DAB1: variants seen among roughly 807,000 people sequenced by gnomAD.
DAB1 encodes the protein DAB adaptor protein 1, also known as disabled homolog 1.
A neutral mutation model predicts 64.6 loss-of-function variants in DAB1; 15 were observed. The ratio of observed to expected loss-of-function variants is 0.23; its 90% confidence interval spans 0.16 to 0.36. The LOEUF (loss-of-function observed/expected upper bound fraction) is 0.36, where lower values mean the gene tolerates loss of function less well. DAB1 is among the 10% of genes least tolerant of loss of function. The probability of loss-of-function intolerance (pLI) is 1.00; values close to 1 mark genes in which losing one functional copy is unlikely to be tolerated. For missense variants in DAB1, 596 were observed against 706.7 expected (o/e 0.84, Z 1.78); for synonymous variants, 235 against 251.9 (o/e 0.93, Z 0.64).
At chr1:58,405,612 A>G (rs1324595321) in intron 3 of DAB1, among the ~76,000 whole-genome samples, 1 of 152,154 alleles carries the variant, frequency 6.6e-6, no homozygotes, top group Non-Finnish European at 1.5e-5. Context: ...CACCTGCCTC[A>G]GCCTCCCAAA....
At chr1:57,691,831 C>T (rs949571247) in intron 6 of DAB1, among the ~76,000 whole-genome samples, 6 of 152,148 alleles carry the variant, frequency 3.9e-5, no homozygotes, top group Admixed American at 1.3e-4. Context: ...AGACCCCTTT[C>T]GCTTGCTATT....
At chr1:57,914,624 A>G (rs1157073798) in intron 5 of DAB1, among the ~76,000 whole-genome samples, 2 of 152,246 alleles carry the variant, frequency 1.3e-5, no homozygotes, top group African/African-American at 2.4e-5. Flanking sequence ...AAAGTTATTA[A>G]TGACTCTCTT....
intron 5 of DAB1, among the ~76,000 whole-genome samples, chr1:58,070,806 T>G (rs1224336515): frequency 6.6e-6 from 1 of 152,156 alleles, no homozygotes; most frequent in Non-Finnish European, 1.5e-5. Flanking sequence ...GGCTGGAACA[T>G]GGGTCTCTGG....
intron 1 of DAB1, among the ~76,000 whole-genome samples, chr1:57,418,002 G>T (rs912837593): frequency 1.3e-5 from 2 of 151,996 alleles, no homozygotes; most frequent in Non-Finnish European, 2.9e-5. Flanking sequence ...CCTCCAGAAG[G>T]TTCCACAGCT....
chr1:58,381,918 CCA>C (rs1644393422), intron 3 of DAB1, among the ~76,000 whole-genome samples: 1 of 151,920 alleles, frequency 6.6e-6, no homozygotes. Context: ...CTGAATGACA[CCA>C]TCAAAGAAGT....
chr1:58,363,984 C>G (rs143888636), intron 3 of DAB1, among the ~76,000 whole-genome samples: 1 of 152,306 alleles, frequency 6.6e-6, no homozygotes, highest in East Asian at 1.9e-4. Context: ...GGTAGCTCTA[C>G]GCCTAGAGGT....
At chr1:58,316,805 C>T (rs1417817058) in intron 4 of DAB1, among the ~76,000 whole-genome samples, 1 of 152,144 alleles carries the variant, frequency 6.6e-6, no homozygotes, top group Non-Finnish European at 1.5e-5. Context: ...CCACTGTCTT[C>T]CCAGTACCTC....
intron 5 of DAB1, among the ~76,000 whole-genome samples, chr1:58,147,510 C>T (rs1434721577): frequency 1.4e-5 from 2 of 137,932 alleles, no homozygotes; most frequent in East Asian, 4.7e-4. Context: ...CCCAGCTACT[C>T]GAGGCTGAGG....
chr1:58,381,290 C>A (rs1569709588), intron 3 of DAB1, among the ~76,000 whole-genome samples: 1 of 151,966 alleles, frequency 6.6e-6, no homozygotes, highest in African/African-American at 2.4e-5. Context: ...ACACATGTAT[C>A]CCCGAACTTA....
intron 5 of DAB1, among the ~76,000 whole-genome samples, chr1:58,118,561 AAT>A (rs2100666262): frequency 1.1e-5 from 1 of 92,852 alleles, no homozygotes; most frequent in South Asian, 3.5e-4. Flanking sequence ...ATATATATAA[AAT>A]ACATATATAT....
Position 57,221,148 on chromosome 1 carries a change from C to T in DAB1, c.67+69816G>A, listed in dbSNP as rs186349867. ...CACTCTCAGCAAACTATTGCAGGGA[C>T]AAAAATTCAAACACCACCTGTTCTC... On this transcript the variant is annotated intron_variant, in intron 2 of 14. Coordinates refer to ENST00000371236, the MANE Select transcript of DAB1 (RefSeq NM_001365792.1). Among the ~76,000 whole-genome samples, 510 of 147,126 alleles carry T rather than the reference C, an allele frequency of 3.5e-3. 3 individuals carry two copies. The highest frequency in any genetic ancestry group is 0.012 in the African/African-American group (484 of 39,886).
At chr1:57,493,462 A>G (rs1480118130) in intron 7 of DAB1, among the ~76,000 whole-genome samples, 3 of 152,212 alleles carry the variant, frequency 2.0e-5, no homozygotes, top group Non-Finnish European at 4.4e-5. Context: ...AGCATGTATC[A>G]GAATTATTTT....
At chr1:57,290,599 A>G (rs964283010) in intron 2 of DAB1, among the ~76,000 whole-genome samples, 5 of 152,206 alleles carry the variant, frequency 3.3e-5, no homozygotes, top group Non-Finnish European at 7.3e-5. Flanking sequence ...ATATGCAGAA[A>G]AACTTTGTAT....
intron 2 of DAB1, among the ~76,000 whole-genome samples, chr1:58,508,842 G>C (rs1300733795): frequency 1.3e-5 from 2 of 152,146 alleles, no homozygotes; most frequent in African/African-American, 4.8e-5. Flanking sequence ...TCCTGGGGCA[G>C]GGCTCGGGAA....
rs57801886 is a variant in DAB1, at chr1:57,329,660, CAAAA to C, written c.-136-38498_-136-38495del. Reference sequence around the variant, plus strand: ...AGGATGGTCTGCAATTTGTCTCTTCCAAAAAAAAAAAAAAAAAAAACCCACAAAA... The same window carrying C: ...AGGATGGTCTGCAATTTGTCTCTTCCAAAAAAAAAAAAAAAACCCACAAAA... On this transcript the variant is annotated intron_variant, in intron 1 of 14. Transcript: ENST00000371236. 1.7e-4 allele frequency among the ~76,000 whole-genome samples: 17 copies of C among 101,012 alleles called. No individual in the cohort carries two copies. In the East Asian group the frequency reaches 1.8e-3, roughly 10 times the overall value. 66.3% of individuals were successfully genotyped at this position (101,012 alleles called of 152,430 possible).
intron 5 of DAB1, among the ~76,000 whole-genome samples, chr1:58,077,311 T>C (rs1002011124): frequency 9.2e-5 from 14 of 152,154 alleles, no homozygotes; most frequent in Non-Finnish European, 1.9e-4. Flanking sequence ...TTCACATTTA[T>C]CTGATGCCTC....
At chr1:57,925,116 C>T (rs1644861146) in intron 5 of DAB1, among the ~76,000 whole-genome samples, 1 of 152,120 alleles carries the variant, frequency 6.6e-6, no homozygotes, top group South Asian at 2.1e-4. Context: ...TTCAGCTTTT[C>T]TTCTAATAAC....
chr1:58,518,795 A>C (rs1646214093), intron 2 of DAB1, among the ~76,000 whole-genome samples: 1 of 152,212 alleles, frequency 6.6e-6, no homozygotes, highest in African/African-American at 2.4e-5. Flanking sequence ...TGTGAAATAA[A>C]GAAGAGGAGA....
chr1:58,225,704 T>C (rs887499296), intron 4 of DAB1, among the ~76,000 whole-genome samples: 4 of 150,380 alleles, frequency 2.7e-5, no homozygotes, highest in Admixed American at 1.3e-4. Context: ...CAGCAAACTA[T>C]CGCAAGGACA....
Sources: allele counts gnomAD v4.1 joint callset (sites outside exome capture counted in the v4.1 genomes callset), GRCh38; gene constraint gnomAD v4.1.1; transcripts MANE v1.5; gene names NCBI Gene and HGNC (gene_info 2026-07-23, HGNC 2026-07-21).